The following HEMK2 variants were observed in gnomAD, a reference collection of about 807,000 sequenced individuals.
The protein encoded by HEMK2 is HemK methyltransferase 2, ETF1 glutamine and histone H4 lysine.
At chr21:28,870,835 T>C in the HEMK2 span, among the ~76,000 whole-genome samples, 7 of 152,276 alleles carry the variant, frequency 4.6e-5, no homozygotes, top group Non-Finnish European at 1.0e-4. Context: ...AGCTATATCA[T>C]ATTGATTCTT....
the HEMK2 span, among the ~76,000 whole-genome samples, chr21:28,577,066 A>C: frequency 6.6e-6 from 1 of 152,224 alleles, no homozygotes; most frequent in African/African-American, 2.4e-5. Flanking sequence ...CATTACCTTA[A>C]GATGTTGAGA....
At chr21:28,711,830 C>T in the HEMK2 span, among the ~76,000 whole-genome samples, 16 of 152,132 alleles carry the variant, frequency 1.1e-4, no homozygotes, top group African/African-American at 3.4e-4. Context: ...GCTGAAAGTA[C>T]AAGATCAGGG....
the HEMK2 span, among the ~76,000 whole-genome samples, chr21:28,756,223 G>A: frequency 6.6e-6 from 1 of 152,286 alleles, no homozygotes; most frequent in Non-Finnish European, 1.5e-5. Context: ...GCCACCTAAT[G>A]TCACAACCAA....
the HEMK2 span, among the ~76,000 whole-genome samples, chr21:28,826,686 A>T: frequency 6.6e-6 from 1 of 152,234 alleles, no homozygotes; most frequent in Admixed American, 6.5e-5. Context: ...CTAAACCATC[A>T]CAAAATCCGA....
chr21:28,670,316 T>C, the HEMK2 span, among the ~76,000 whole-genome samples: 1 of 152,336 alleles, frequency 6.6e-6, no homozygotes, highest in East Asian at 1.9e-4. Flanking sequence ...TGATTAAAAA[T>C]ATTCTTAGTT....
At chr21:28,633,360 T>C in the HEMK2 span, among the ~76,000 whole-genome samples, 3 of 152,196 alleles carry the variant, frequency 2.0e-5, no homozygotes, top group Non-Finnish European at 4.4e-5. Flanking sequence ...TCATTTACTA[T>C]TGAAAATCCA....
At chr21:28,694,984 C>T in the HEMK2 span, among the ~76,000 whole-genome samples, 33 of 145,906 alleles carry the variant, frequency 2.3e-4, 1 homozygote, top group African/African-American at 7.9e-4. Context: ...GGCAACAGAG[C>T]GAGACTCTGT....
chr21:28,679,013 CA>C, the HEMK2 span, among the ~76,000 whole-genome samples: 1 of 152,292 alleles, frequency 6.6e-6, no homozygotes, highest in East Asian at 1.9e-4. Context: ...CAGCTAACAT[CA>C]TAATGGCAGG....
chr21:28,867,376 T>C, the HEMK2 span, among the ~76,000 whole-genome samples: 1 of 152,100 alleles, frequency 6.6e-6, no homozygotes, highest in Non-Finnish European at 1.5e-5. Flanking sequence ...AAAAATCTTT[T>C]TATAATCTAT....
At chr21:28,878,688 A>G in the HEMK2 span, among the ~76,000 whole-genome samples, 1 of 151,972 alleles carries the variant, frequency 6.6e-6, no homozygotes, top group South Asian at 2.1e-4. Context: ...TTTTGAGAAC[A>G]TTGCCCTGCG....
the HEMK2 span, among the ~76,000 whole-genome samples, chr21:28,793,001 C>A: frequency 1.3e-5 from 2 of 152,192 alleles, no homozygotes; most frequent in East Asian, 3.9e-4. Context: ...ATAATTACCA[C>A]CTTAGCCCAA....
chr21:28,739,018 C>G, the HEMK2 span, among the ~76,000 whole-genome samples: 1 of 152,114 alleles, frequency 6.6e-6, no homozygotes, highest in African/African-American at 2.4e-5. Context: ...GGATCGTAAA[C>G]CACAGTGAAA....
At chr21:28,700,795 A>C in the HEMK2 span, among the ~76,000 whole-genome samples, 1 of 151,218 alleles carries the variant, frequency 6.6e-6, no homozygotes, top group Non-Finnish European at 1.5e-5. Flanking sequence ...TCATTGTATG[A>C]GGCCAGTATC....
the HEMK2 span, among the ~76,000 whole-genome samples, chr21:28,792,262 T>A: frequency 6.6e-6 from 1 of 152,174 alleles, no homozygotes; most frequent in Non-Finnish European, 1.5e-5. Flanking sequence ...CTGGTTGTTC[T>A]CTGTATGAAC....
the HEMK2 span, among the ~76,000 whole-genome samples, chr21:28,696,362 G>A: frequency 1.3e-5 from 2 of 152,174 alleles, no homozygotes; most frequent in Non-Finnish European, 2.9e-5. Flanking sequence ...CAGGCCCCAC[G>A]TAAGTCTAAA....
chr21:28,877,373 G>A, the HEMK2 span, among the ~76,000 whole-genome samples: 1 of 137,754 alleles, frequency 7.3e-6, no homozygotes, highest in Admixed American at 7.3e-5. Flanking sequence ...GAAGAGAAGG[G>A]AAGGGAAGAA....
At chr21:28,680,909 A>G in the HEMK2 span, among the ~76,000 whole-genome samples, 302 of 152,208 alleles carry the variant, frequency 2.0e-3, no homozygotes, top group Non-Finnish European at 3.0e-3. Flanking sequence ...TCTCAAAATA[A>G]TAAGAGCTAT....
the HEMK2 span, among the ~76,000 whole-genome samples, chr21:28,654,714 G>A: frequency 7.2e-5 from 11 of 152,026 alleles, no homozygotes; most frequent in African/African-American, 2.4e-4. Flanking sequence ...AATCTGCTTG[G>A]AATTCATAGT....
chr21:28,796,625 T>A, the HEMK2 span, among the ~76,000 whole-genome samples: 4 of 152,278 alleles, frequency 2.6e-5, no homozygotes, highest in East Asian at 5.8e-4. Flanking sequence ...AGTGCAGTGG[T>A]GCAATCACAG....
Sources: gnomAD v4.1 joint callset for allele counts (sites outside exome capture counted in the v4.1 genomes callset) on GRCh38, gnomAD v4.1.1 for gene constraint, MANE v1.5 for transcripts, NCBI Gene and HGNC (gene_info 2026-07-23, HGNC 2026-07-21) for gene names.